The following MIDN variants were observed in gnomAD, a reference collection of about 807,000 sequenced individuals.
MIDN encodes midbrain nucleolar protein.
In MIDN, 26 loss-of-function variants were observed where a neutral mutation model predicts 46.1. That is an observed-to-expected ratio of 0.56 (90% CI 0.41 to 0.78). MIDN has a LOEUF of 0.78. MIDN is among the 30% of genes least tolerant of loss of function. The probability of loss-of-function intolerance (pLI) is 0.00; values close to 1 mark genes in which losing one functional copy is unlikely to be tolerated. For missense variants in MIDN, 850 were observed against 771.8 expected (o/e 1.10, Z -1.20); for synonymous variants, 432 against 343.3 (o/e 1.26, Z -2.86).
At chr19:1,254,506 C>G (rs1274192844) in intron 6 of MIDN, 28 bp downstream of exon 6, 1 of 1,537,828 alleles carries the variant, frequency 6.5e-7, no homozygotes, top group Non-Finnish European at 8.7e-7. Context: ...AAGGGTGACC[C>G]TTGGTTGGAA....
rs1313914947 is a variant in MIDN, at chr19:1,255,626, A to C, written c.1190A>C (p.Lys397Thr). The stretch of plus-strand genomic sequence containing the variant: ...GCCCCCAGAACTACCTCCTGCGAGA[A>C]GCTCACGGCTGCCCCCTCAGCCTCC... ...DLAPRTTSCE[K>T]LTAAPSASLL... Residue 397 changes from lysine to threonine, a missense_variant, in exon 8 of 9, where the codon AAG becomes ACG. Physicochemically the swap from Lys to Thr is moderately conservative, Grantham distance 78 (BLOSUM62 -1). Transcript: ENST00000682408. The C allele has an allele frequency of 6.2e-7, 1 of 1,607,012 alleles. No homozygotes were observed. The highest frequency in any genetic ancestry group is 8.5e-7 in the Non-Finnish European group (1 of 1,179,074).
At chr19:1,251,421 C>G in intron 2 of MIDN, 141 bp from the exon 3 acceptor site, 1 of 717,484 alleles carries the variant, frequency 1.4e-6, no homozygotes, top group South Asian at 1.8e-5. Flanking sequence ...GCTTAGGGCC[C>G]TGGATCTGGA....
chr19:1,254,765 C>T (rs1222461121), intron 6 of MIDN, 137 bp from the exon 7 acceptor site: 1 of 1,081,322 alleles, frequency 9.2e-7, no homozygotes, highest in Non-Finnish European at 1.3e-6. Context: ...ACCTCGTGAC[C>T]TTGGGCTAGT....
In MIDN at chr19:1,254,410, C is replaced by A; in HGVS notation, c.757C>A (p.Pro253Thr). Residue 253 changes from proline to threonine, a missense_variant, in exon 6 of 9, where the codon CCT becomes ACT. Transcript: ENST00000682408. ...RVPPVPTSPS[P>T]ASPSPITAGS... is the part of the protein sequence containing the mutation. ...CCCCCCGGTGCCCACCAGCCCGTCCCCTGCATCTCCCTCGCCCATCACAGC... is the reference window on the plus strand; with the variant it reads ...CCCCCCGGTGCCCACCAGCCCGTCCACTGCATCTCCCTCGCCCATCACAGC... The A allele has an allele frequency of 6.4e-7, 1 of 1,565,400 alleles. No homozygotes were observed. Among genetic ancestry groups the A allele is most frequent in the Non-Finnish European group, 8.6e-7 (1 of 1,162,700 alleles).
chr19:1,253,192 G>A (rs566111841), intron 4 of MIDN, among the ~76,000 whole-genome samples: 20 of 151,988 alleles, frequency 1.3e-4, no homozygotes, highest in African/African-American at 3.6e-4. Flanking sequence ...AAGCCACCCC[G>A]GGCCCTTCCT....
Position 1,250,574 on chromosome 19 carries a change from C to T in MIDN, c.233+45C>T, listed in dbSNP as rs751196991. Reference sequence around the variant, plus strand: ...GGCCGGCCGCCCCCTCGGGCCCCGGCCCCCGGGCGGGAACAAAGAGCGCGC... The same window carrying T: ...GGCCGGCCGCCCCCTCGGGCCCCGGTCCCCGGGCGGGAACAAAGAGCGCGC... On this transcript the variant is annotated intron_variant, in intron 2 of 8. Coordinates refer to ENST00000682408, the MANE Select transcript of MIDN (RefSeq NM_001388306.1). The T allele has an allele frequency of 2.3e-5, 24 of 1,051,214 alleles. No homozygotes were observed. In the African/African-American group the frequency reaches 3.6e-4, roughly 16 times the overall value. 65.1% of individuals were successfully genotyped at this position (1,051,214 alleles called of 1,614,324 possible).
intron 4 of MIDN, among the ~76,000 whole-genome samples, chr19:1,252,542 G>A (rs1041591641): frequency 6.6e-6 from 1 of 152,136 alleles, no homozygotes. Flanking sequence ...GTTTTGCTGC[G>A]GACTTTTTTT....
Position 1,257,150 on chromosome 19 carries a change from A to G in MIDN, c.1414A>G (p.Ser472Gly), listed in dbSNP as rs1186868811. ...SPSRKAGRSD[S>G]SSSGGGGSPS... ...CAGCCGCAAGGCCGGCCGCAGCGAC[A>G]GCAGTAGCAGCGGGGGCGGCGGCAG... Residue 472 changes from serine (S) to glycine (G), a missense_variant, in exon 9 of 9, where the codon AGC (serine) becomes GGC (glycine). Transcript: ENST00000682408. The G allele has an allele frequency of 6.2e-7, 1 of 1,611,364 alleles. No individual in the cohort carries two copies. The highest frequency in any genetic ancestry group is 1.3e-5 in the African/African-American group (1 of 74,916).
chr19:1,257,481 T>G lies in MIDN; in HGVS notation c.*209T>G, dbSNP rs1201664002. 2 of 530,320 alleles carry G rather than the reference T, an allele frequency of 3.8e-6. No homozygotes were observed. The highest frequency in any genetic ancestry group is 3.3e-5 in the East Asian group (1 of 30,304). The allele number at this position is 530,320 out of a possible 1,614,324, so 32.9% of individuals were successfully genotyped here. On this transcript the variant is annotated 3_prime_UTR_variant, in exon 9 of 9. Coordinates refer to ENST00000682408, the MANE Select transcript of MIDN (RefSeq NM_001388306.1). ...TTCCTGGACTCTTCATGGGCTTTGCTTCCTACCTCCTTCACCCTTCACTCC... is the reference window on the plus strand; with the variant it reads ...TTCCTGGACTCTTCATGGGCTTTGCGTCCTACCTCCTTCACCCTTCACTCC...
Position 1,257,506 on chromosome 19 carries a change from C to G in MIDN, c.*234C>G. ...TTCCTACCTCCTTCACCCTTCACTC[C>G]TGCCCTCCTCTTCCTCCTCCTCCTC... On this transcript the variant is annotated 3_prime_UTR_variant, in exon 9 of 9. Coordinates refer to ENST00000682408, the MANE Select transcript of MIDN (RefSeq NM_001388306.1). 1 of 474,164 alleles carries G rather than the reference C, an allele frequency of 2.1e-6. No individual in the cohort carries two copies. The highest frequency in any genetic ancestry group is 3.6e-6 in the Non-Finnish European group (1 of 274,266). The allele number at this position is 474,164 out of a possible 1,614,324, so 29.4% of individuals were successfully genotyped here. A position where few individuals can be genotyped will look rare whatever the true frequency, so the allele number is the denominator to read the frequency against.
In MIDN at chr19:1,254,918, C is replaced by G; in HGVS notation, c.842C>G (p.Pro281Arg). The G allele has an allele frequency of 2.5e-6, 4 of 1,607,744 alleles. No individual in the cohort carries two copies. The highest frequency in any genetic ancestry group is 2.5e-6 in the Non-Finnish European group (3 of 1,177,096). ...TCCCATCAGCAGATGGACTGCTCCC[C>G]CACGGCCAGCAGCAGTGCCAGTCCT... is the stretch of plus-strand genomic sequence containing the variant. Reference protein sequence around the residue: ...TTCPEQMDCSPTASSSASPGA... With the variant: ...TTCPEQMDCSRTASSSASPGA... Residue 281 changes from proline to arginine, a missense_variant, in exon 7 of 9, where the codon CCC becomes CGC. Physicochemically the swap from Pro to Arg is moderately radical, Grantham distance 103. Coordinates refer to ENST00000682408, the MANE Select transcript of MIDN (RefSeq NM_001388306.1).
In MIDN at chr19:1,254,421, C is replaced by G; in HGVS notation, c.768C>G (p.Pro256=). The part of the protein sequence containing the change: ...PVPTSPSPAS[P]SPITAGSFRS... ...CCACCAGCCCGTCCCCTGCATCTCC[C>G]TCGCCCATCACAGCCGGCTCCTTCC... Residue 256 remains proline, a synonymous_variant, in exon 6 of 9, where the codon CCC becomes CCG. Coordinates refer to ENST00000682408, the MANE Select transcript of MIDN (RefSeq NM_001388306.1). 3 of 1,566,938 alleles carry G rather than the reference C, an allele frequency of 1.9e-6. No individual in the cohort carries two copies. The highest frequency in any genetic ancestry group is 2.6e-6 in the Non-Finnish European group (3 of 1,163,600).
At chr19:1,251,949 G>A (rs777359338) in intron 4 of MIDN, 48 bp downstream of exon 4, 1 of 1,547,494 alleles carries the variant, frequency 6.5e-7, no homozygotes. Context: ...TGGGAGCAGG[G>A]TGCCTTGGCC....
rs1246976740 is a variant in MIDN, at chr19:1,250,209, G to A, written c.-88G>A. ...CGCCCCCGAGTGCCCGGAGGACCCG[G>A]CATCCGGGGAGCCTCTCGCCCCTGT... On this transcript the variant is annotated 5_prime_UTR_variant, in exon 2 of 9. Transcript: ENST00000682408. 4.1e-6 allele frequency: 2 copies of A among 488,256 alleles called. No homozygotes were observed. Among genetic ancestry groups the A allele is most frequent in the South Asian group, 8.7e-5 (1 of 11,504 alleles). 30.2% of individuals were successfully genotyped at this position (488,256 alleles called of 1,614,324 possible). A position where few individuals can be genotyped will look rare whatever the true frequency, so the allele number is the denominator to read the frequency against.
Position 1,253,942 on chromosome 19 carries a change from C to T in MIDN, c.385-12C>T. On this transcript the variant is annotated splice_polypyrimidine_tract_variant and intron_variant, in intron 4 of 8. Coordinates refer to ENST00000682408, the MANE Select transcript of MIDN (RefSeq NM_001388306.1). ...GGGCAGGCCCCCGTCTGACCCGCCT[C>T]TGTCCCCACAGCCCCCAGCGGCGCC... is the stretch of plus-strand genomic sequence containing the variant. 2 of 1,385,208 alleles carry T rather than the reference C, an allele frequency of 1.4e-6. No individual in the cohort carries two copies. The highest frequency in any genetic ancestry group is 1.9e-6 in the Non-Finnish European group (2 of 1,076,986). The allele number at this position is 1,385,208 out of a possible 1,614,324, so 85.8% of individuals were successfully genotyped here. A position where few individuals can be genotyped will look rare whatever the true frequency, so the allele number is the denominator to read the frequency against.
At chr19:1,256,436 C>A (rs906605968) in intron 8 of MIDN, among the ~76,000 whole-genome samples, 80 of 150,256 alleles carry the variant, frequency 5.3e-4, no homozygotes, top group Non-Finnish European at 9.5e-4. Flanking sequence ...GAGCCGAGAT[C>A]GCGCCACTGC....
chr19:1,253,874 G>C, intron 4 of MIDN, 80 bp from the exon 5 acceptor site: 7 of 1,233,744 alleles, frequency 5.7e-6, no homozygotes, highest in Non-Finnish European at 7.3e-6. Context: ...GCCCCCTCTG[G>C]CCTCAGTTTC....
intron 2 of MIDN, among the ~76,000 whole-genome samples, chr19:1,250,920 C>A (rs1176390494): frequency 1.3e-5 from 2 of 151,936 alleles, no homozygotes; most frequent in Non-Finnish European, 2.9e-5. Flanking sequence ...TCTCTCTCCC[C>A]CCCTTTGTTC....
At chr19:1,251,349 G>T in intron 2 of MIDN, 1 of 555,822 alleles carries the variant, frequency 1.8e-6, no homozygotes, top group Admixed American at 3.6e-5. Context: ...TTCCACTGGA[G>T]GGAAGGGGTC....
Sources: allele counts gnomAD v4.1 joint callset (sites outside exome capture counted in the v4.1 genomes callset), GRCh38; gene constraint gnomAD v4.1.1; transcripts MANE v1.5; gene names NCBI Gene and HGNC (gene_info 2026-07-23, HGNC 2026-07-21).